FAXDC2: variants seen among roughly 807,000 people sequenced by gnomAD.
The protein encoded by FAXDC2 is fatty acid hydroxylase domain containing 2.
Under a neutral mutation model 40.9 loss-of-function variants are expected in FAXDC2, and 41 were observed. The observed-to-expected ratio is 1.00, with a 90% CI of 0.78 to 1.30. The LOEUF is 1.30. FAXDC2 is among the 50% of genes most tolerant of loss of function. FAXDC2 has a pLI of 0.00. For missense variants in FAXDC2, 390 were observed against 408.8 expected (o/e 0.95, Z 0.40); for synonymous variants, 157 against 149.3 (o/e 1.05, Z -0.38).
intron 1 of FAXDC2, among the ~76,000 whole-genome samples, chr5:154,846,402 A>G (rs1336062100): frequency 6.6e-6 from 1 of 152,190 alleles, no homozygotes; most frequent in African/African-American, 2.4e-5. Flanking sequence ...AAGATGAATA[A>G]GACATGCTTT....
rs748448192 is a variant in FAXDC2, at chr5:154,820,444, C to T, written c.874G>A (p.Val292Met). ...KFNQCYGVLG[V>M]LDHLHGTDTM... is the part of the protein sequence containing the mutation. ...TCAGTCCCATGGAGGTGGTCCAGCA[C>T]ACCCAGCACCCCATAGCACTGGTTG... Residue 292 changes from valine (V) to methionine (M), a missense_variant, in exon 9 of 9, where the codon GTG (valine) becomes ATG (methionine). By Grantham distance (21) the Val-to-Met change is conservative. Transcript: ENST00000326080. 2.5e-6 allele frequency: 4 copies of T among 1,612,994 alleles called. No individual in the cohort carries two copies. Among genetic ancestry groups the T allele is most frequent in the African/African-American group, 2.7e-5 (2 of 74,968 alleles).
Position 154,825,723 on chromosome 5 carries a change from A to G in FAXDC2, c.367-2131T>C, listed in dbSNP as rs142448325. Reference sequence around the variant, plus strand: ...ATTAGACCAGGGTAATAGTGATGGAAGTGGTGAGAAGTGGTAAGAAGTGAC... The same window carrying G: ...ATTAGACCAGGGTAATAGTGATGGAGGTGGTGAGAAGTGGTAAGAAGTGAC... On this transcript the variant is annotated intron_variant, in intron 5 of 8. Coordinates refer to ENST00000326080, the MANE Select transcript of FAXDC2 (RefSeq NM_032385.5). 4.6e-3 allele frequency among the ~76,000 whole-genome samples: 687 copies of G among 150,592 alleles called. 2 individuals carry two copies. Among genetic ancestry groups the G allele is most frequent in the Non-Finnish European group, 7.7e-3 (519 of 67,644 alleles).
chr5:154,844,624 G>A (rs1760553891), intron 1 of FAXDC2, among the ~76,000 whole-genome samples: 2 of 152,116 alleles, frequency 1.3e-5, no homozygotes, highest in South Asian at 4.1e-4. Flanking sequence ...TTTCTTATCA[G>A]TTTTTATTTA....
At chr5:154,837,115 A>G (rs1760366134) in intron 2 of FAXDC2, among the ~76,000 whole-genome samples, 2 of 152,002 alleles carry the variant, frequency 1.3e-5, no homozygotes, top group South Asian at 4.1e-4. Flanking sequence ...GACCAAGCAG[A>G]AGTCATTTTT....
At chr5:154,823,332 A>G in intron 6 of FAXDC2, 55 bp downstream of exon 6, 1 of 1,533,716 alleles carries the variant, frequency 6.5e-7, no homozygotes, top group South Asian at 1.1e-5. Context: ...CTTGTTGATC[A>G]GTGAGCCCTA....
At chr5:154,820,672 G>GT (rs1241283894) in intron 8 of FAXDC2, 200 bp from the exon 9 acceptor site, 1 of 474,948 alleles carries the variant, frequency 2.1e-6, no homozygotes, top group African/African-American at 2.0e-5. Flanking sequence ...GCAATTTGCC[G>GT]TATCTGGAGT....
chr5:154,832,368 C>T (rs147046135), intron 4 of FAXDC2, among the ~76,000 whole-genome samples: 3 of 152,110 alleles, frequency 2.0e-5, no homozygotes, highest in African/African-American at 4.8e-5. Flanking sequence ...CGCCCGCCAC[C>T]GCGCCCGACT....
intron 5 of FAXDC2, among the ~76,000 whole-genome samples, chr5:154,824,932 A>T (rs1310804423): frequency 1.3e-5 from 2 of 151,964 alleles, no homozygotes; most frequent in Admixed American, 6.6e-5. Flanking sequence ...AATTTTTTTT[A>T]AAAAGCTGGA....
chr5:154,819,504 C>T lies in FAXDC2; in HGVS notation c.*812G>A, dbSNP rs1285550106. Reference sequence around the variant, plus strand: ...AGGGGTCTCGGGTGTCCCCAAAGGGCAGCAACTTTGACCCCTCCCCTTGTG... The same window carrying T: ...AGGGGTCTCGGGTGTCCCCAAAGGGTAGCAACTTTGACCCCTCCCCTTGTG... On this transcript the variant is annotated 3_prime_UTR_variant, in exon 9 of 9. Transcript: ENST00000326080. The T allele has an allele frequency of 6.6e-6, 1 of 152,198 alleles. No homozygotes were observed. Among genetic ancestry groups the T allele is most frequent in the East Asian group, 1.9e-4 (1 of 5,180 alleles). The allele number at this position is 152,198 out of a possible 1,614,324, so 9.4% of individuals were successfully genotyped here.
At chr5:154,848,561 A>G (rs1165309875) in intron 1 of FAXDC2, among the ~76,000 whole-genome samples, 1 of 152,200 alleles carries the variant, frequency 6.6e-6, no homozygotes. Context: ...CTGTAATGTA[A>G]TTACACAGTT....
At chr5:154,823,678 G>A (rs567351289) in intron 5 of FAXDC2, 86 bp from the exon 6 acceptor site, 43 of 1,123,112 alleles carry the variant, frequency 3.8e-5, no homozygotes, top group Non-Finnish European at 5.5e-5. Flanking sequence ...CCCTCACTCT[G>A]GTTGGATTCT....
Position 154,820,397 on chromosome 5 carries a change from C to T in FAXDC2, c.921G>A (p.Lys307=), listed in dbSNP as rs1172036657. ...HGTDTMFKQT[K]AYERHVLLLG... ...GCAGGAGGACATGTCTCTCGTAGGC[C>T]TTGGTCTGCTTGAACATGGTGTCAG... Residue 307 remains lysine (K), a synonymous_variant, in exon 9 of 9, where the codon AAG becomes AAA. Transcript: ENST00000326080. 1.9e-6 allele frequency: 3 copies of T among 1,612,866 alleles called. No individual in the cohort carries two copies. The highest frequency in any genetic ancestry group is 2.7e-5 in the African/African-American group (2 of 74,812).
chr5:154,830,435 A>T (rs545749962), intron 5 of FAXDC2: 35 of 188,910 alleles, frequency 1.9e-4, no homozygotes, highest in South Asian at 8.8e-4. Context: ...CCTCTCTCAT[A>T]ACAACAGCTG....
At position 154,820,328 on chromosome 5, in the gene FAXDC2, C is replaced by G; in HGVS notation, c.990G>C (p.Lys330Asn). 6.2e-7 allele frequency: 1 copy of G among 1,610,286 alleles called. No individual in the cohort carries two copies. Among genetic ancestry groups the G allele is most frequent in the Non-Finnish European group, 8.5e-7 (1 of 1,178,146 alleles). The change falls in exon 9 of 9, where the codon AAG becomes AAC. Residue 330 changes from lysine to asparagine, a missense_variant. Coordinates refer to ENST00000326080, the MANE Select transcript of FAXDC2 (RefSeq NM_032385.5). ...CTTAGGCTGTCTCTCACTCCATCCT[C>G]TTTGGGGAGTCTGGGATGCTCTCAG... ...PLSESIPDSP[K>N]RME
At chr5:154,825,224 C>T (rs903610775) in intron 5 of FAXDC2, among the ~76,000 whole-genome samples, 1 of 150,874 alleles carries the variant, frequency 6.6e-6, no homozygotes, top group African/African-American at 2.4e-5. Context: ...CTTAGCTAGG[C>T]GTGGTGGCAT....
At chr5:154,836,663 T>G (rs866583835) in intron 2 of FAXDC2, among the ~76,000 whole-genome samples, 2 of 152,120 alleles carry the variant, frequency 1.3e-5, no homozygotes, top group African/African-American at 4.8e-5. Flanking sequence ...TTACTTTTTT[T>G]TTTAATTGAG....
At chr5:154,846,684 C>T (rs537870848) in intron 1 of FAXDC2, among the ~76,000 whole-genome samples, 40 of 151,830 alleles carry the variant, frequency 2.6e-4, no homozygotes, top group African/African-American at 8.2e-4. Flanking sequence ...CATGCCTGGC[C>T]GAAGGTTCTA....
At chr5:154,823,061 G>A (rs1489776837) in intron 6 of FAXDC2, among the ~76,000 whole-genome samples, 2 of 152,134 alleles carry the variant, frequency 1.3e-5, no homozygotes, top group Admixed American at 6.5e-5. Flanking sequence ...GCCCAGGCTG[G>A]AGTGCAGTGG....
chr5:154,841,739 CTTTTT>C (rs796908969), intron 1 of FAXDC2, among the ~76,000 whole-genome samples: 1 of 139,342 alleles, frequency 7.2e-6, no homozygotes, highest in Non-Finnish European at 1.6e-5. Context: ...AAGTCATATT[CTTTTT>C]TTTTTTTTTT....
Sources: allele counts gnomAD v4.1 joint callset (sites outside exome capture counted in the v4.1 genomes callset), GRCh38; gene constraint gnomAD v4.1.1; transcripts MANE v1.5; gene names NCBI Gene and HGNC (gene_info 2026-07-23, HGNC 2026-07-21).